Variants in ABCC2 observed in about 807,000 individuals in gnomAD.
ABCC2 encodes ATP binding cassette subfamily C member 2, also known as ATP-binding cassette sub-family C member 2.
ABCC2 carries 157 observed loss-of-function variants against 173.4 expected under a neutral mutation model. The ratio of observed to expected loss-of-function variants is 0.91; its 90% CI spans 0.80 to 1.03. The LOEUF is 1.03. ABCC2 is among the 50% of genes least tolerant of loss of function. The pLI is 0.00. For missense variants in ABCC2, 1,822 were observed against 1,852.3 expected, an observed-to-expected ratio of 0.98 and a Z score of 0.30; for synonymous variants, 657 against 693.5, an observed-to-expected ratio of 0.95 and a Z score of 0.83.
intron 15 of ABCC2, among the ~76,000 whole-genome samples, chr10:99,812,464 G>T (rs1366704730): frequency 2.0e-5 from 3 of 152,186 alleles, no homozygotes; most frequent in Admixed American, 6.5e-5. Flanking sequence ...CCCATTGTGG[G>T]CCCCTACTCA....
intron 10 of ABCC2, 27 bp from the exon 11 acceptor site, chr10:99,805,355 G>C (rs368596686): frequency 3.6e-5 from 57 of 1,603,720 alleles, no homozygotes; most frequent in Non-Finnish European, 4.7e-5. Flanking sequence ...AGCGTATATT[G>C]TTTTTCTTTT....
rs34683029 is a variant in ABCC2 at position 99,811,894 on chromosome 10, G to A, written c.1967+292G>A. On this transcript the variant is annotated intron_variant, in intron 15 of 31. Transcript: ENST00000647814. ...AGATTGTGGATGGAGGTAGTGCAGCGTTGGCAGGTGGCCGGCGTCTCTGGG... is the reference window on the plus strand; with the variant it reads ...AGATTGTGGATGGAGGTAGTGCAGCATTGGCAGGTGGCCGGCGTCTCTGGG... 2.3e-4 allele frequency among the ~76,000 whole-genome samples: 35 copies of A among 152,304 alleles called. No homozygotes were observed. The South Asian group carries it at 6.6e-3, about 29-fold the overall frequency.
chr10:99,834,537 T>C lies in ABCC2; in HGVS notation c.3414+2T>C. 1 of 1,614,114 alleles carries C rather than the reference T, an allele frequency of 6.2e-7. No homozygotes were observed. Among genetic ancestry groups the C allele is most frequent in the Non-Finnish European group, 8.5e-7 (1 of 1,179,976 alleles). On this transcript the variant is annotated splice_donor_variant, in intron 24 of 31. Coordinates refer to ENST00000647814, the MANE Select transcript of ABCC2 (RefSeq NM_000392.5). LOFTEE classifies it high-confidence loss of function. Reference sequence around the variant, plus strand: ...GGCATTATTTATGTATCTGTTCAGGTAGGTTTGGAAATGGCTAAGTCATCC... The same window carrying C: ...GGCATTATTTATGTATCTGTTCAGGCAGGTTTGGAAATGGCTAAGTCATCC...
rs1590154241 is a variant in ABCC2 at position 99,804,416 on chromosome 10, C to T, written c.1464+143C>T. 2.7e-6 allele frequency: 3 copies of T among 1,100,938 alleles called. No homozygotes were observed. The East Asian group carries it at 7.6e-5, about 28-fold the overall frequency. The allele number at this position is 1,100,938 out of a possible 1,614,324, so 68.2% of individuals were successfully genotyped here. A position where few individuals can be genotyped will look rare whatever the true frequency, so the allele number is the denominator to read the frequency against. Reference sequence around the variant, plus strand: ...TACCATCTCAATTGTACTTAGCTGTCTCTGAGTTCCCTTTTCATCTTCTGA... The same window carrying T: ...TACCATCTCAATTGTACTTAGCTGTTTCTGAGTTCCCTTTTCATCTTCTGA... On this transcript the variant is annotated intron_variant, in intron 10 of 31. Coordinates refer to ENST00000647814, the MANE Select transcript of ABCC2 (RefSeq NM_000392.5).
At position 99,799,235 on chromosome 10, in the gene ABCC2, CT is replaced by C; in HGVS notation, c.897del (p.Thr301ProfsTer10). 7 of 1,614,090 alleles carry C rather than the reference CT, an allele frequency of 4.3e-6. No individual in the cohort carries two copies. Among genetic ancestry groups the C allele is most frequent in the Non-Finnish European group, 5.9e-6 (7 of 1,180,014 alleles). ...LEDVEKKKKK[S>X]GTKKDVPKSW... The stretch of plus-strand genomic sequence containing the variant: ...GATGTTGAAAAGAAAAAAAAGAAGT[CT>C]GGGACCAAAAAAGATGTTCCAAAAT... On this transcript the variant is annotated frameshift_variant, in exon 8 of 32. Coordinates refer to ENST00000647814, the MANE Select transcript of ABCC2 (RefSeq NM_000392.5). LOFTEE classifies it high-confidence loss of function.
chr10:99,814,598 C>CACGTGTGTATAT (rs2038344283), intron 16 of ABCC2, among the ~76,000 whole-genome samples: 1 of 108,300 alleles, frequency 9.2e-6, no homozygotes, highest in Non-Finnish European at 2.0e-5. Flanking sequence ...CACATATACA[C>CACGTGTGTATAT]ACACATATGT....
intron 9 of ABCC2, 112 bp from the exon 10 acceptor site, chr10:99,803,907 T>C: frequency 7.3e-7 from 1 of 1,377,232 alleles, no homozygotes; most frequent in South Asian, 1.2e-5. Context: ...GGAGAAGCTG[T>C]GTCCATATGG....
intron 19 of ABCC2, among the ~76,000 whole-genome samples, chr10:99,825,995 C>T (rs11498760): frequency 5.3e-5 from 8 of 152,174 alleles, no homozygotes; most frequent in South Asian, 2.1e-4. Context: ...GGTCGTTTCC[C>T]GACAATGGTT....
chr10:99,841,083 C>G (rs1450349729), intron 25 of ABCC2, among the ~76,000 whole-genome samples: 1 of 152,188 alleles, frequency 6.6e-6, no homozygotes, highest in African/African-American at 2.4e-5. Context: ...CTGTGGCCAA[C>G]TTGCACCTAA....
At chr10:99,832,220 C>G in intron 23 of ABCC2, 89 bp downstream of exon 23, 1 of 1,512,854 alleles carries the variant, frequency 6.6e-7, no homozygotes, top group Non-Finnish European at 9.1e-7. Flanking sequence ...CTAGACAACA[C>G]TGTTCAGTTC....
At chr10:99,839,241 C>T (rs1590188571) in intron 25 of ABCC2, among the ~76,000 whole-genome samples, 16 of 98,182 alleles carry the variant, frequency 1.6e-4, no homozygotes, top group South Asian at 6.2e-4. Flanking sequence ...GGGGGGCCGA[C>T]CCCCCCACCT....
intron 6 of ABCC2, among the ~76,000 whole-genome samples, chr10:99,794,841 G>A (rs907480193): frequency 3.9e-5 from 6 of 152,086 alleles, no homozygotes; most frequent in African/African-American, 1.2e-4. Flanking sequence ...GCGCTCAGCC[G>A]AAAGATTAAT....
chr10:99,817,273 G>A (rs770084867), intron 16 of ABCC2, 35 bp from the exon 17 acceptor site: 22 of 1,611,372 alleles, frequency 1.4e-5, no homozygotes, highest in Non-Finnish European at 1.8e-5. Context: ...TTCTGGAGGT[G>A]CAGCTGTAAC....
intron 15 of ABCC2, among the ~76,000 whole-genome samples, 175 bp from the exon 16 acceptor site, chr10:99,812,837 GAAAAGA>G (rs977009453): frequency 4.6e-5 from 7 of 152,152 alleles, no homozygotes; most frequent in African/African-American, 9.6e-5. Context: ...TTAGAGCTAA[GAAAAGA>G]AAAAGAAAAA....
intron 30 of ABCC2, among the ~76,000 whole-genome samples, chr10:99,850,133 T>C (rs1025503358): frequency 1.1e-4 from 16 of 152,220 alleles, no homozygotes; most frequent in Admixed American, 7.9e-4. Context: ...GAAATGCCAC[T>C]GGGGCATTCT....
intron 23 of ABCC2, among the ~76,000 whole-genome samples, chr10:99,833,081 T>C (rs932786255): frequency 3.3e-5 from 5 of 152,196 alleles, no homozygotes; most frequent in Non-Finnish European, 5.9e-5. Context: ...GGGGCAGACA[T>C]AGAAAGTATA....
rs1590186123 is a variant in ABCC2 at position 99,836,381 on chromosome 10, T to C, written c.3614+91T>C. 11 of 1,314,646 alleles carry C rather than the reference T, an allele frequency of 8.4e-6. No individual in the cohort carries two copies. The South Asian group carries it at 1.3e-4, about 16-fold the overall frequency. The allele number at this position is 1,314,646 out of a possible 1,614,324, so 81.4% of individuals were successfully genotyped here. ...GTGGGAGGGCAGGCATGGCTAGTGGTGTGAAATTCACTCTGGCCACACACA... is the reference window on the plus strand; with the variant it reads ...GTGGGAGGGCAGGCATGGCTAGTGGCGTGAAATTCACTCTGGCCACACACA... On this transcript the variant is annotated intron_variant, in intron 25 of 31. Transcript: ENST00000647814.
chr10:99,799,214 T>C lies in ABCC2; in HGVS notation c.875T>C (p.Val292Ala), dbSNP rs978166050. ...QSQDALVLEDVEKKKKKSGTK... is the reference protein window; with the variant it reads ...QSQDALVLEDAEKKKKKSGTK... ...GTTTGGTTTTGTACCTAGGAAGATG[T>C]TGAAAAGAAAAAAAAGAAGTCTGGG... Residue 292 changes from valine (V) to alanine (A), a missense_variant, in exon 8 of 32, where the codon GTT becomes GCT. Val to Ala is a moderately conservative substitution (Grantham distance 64). Coordinates refer to ENST00000647814, the MANE Select transcript of ABCC2 (RefSeq NM_000392.5). The C allele has an allele frequency of 1.2e-6, 2 of 1,613,844 alleles. No individual in the cohort carries two copies. The highest frequency in any genetic ancestry group is 2.7e-5 in the African/African-American group (2 of 74,868).
chr10:99,792,401 C>T, intron 3 of ABCC2, 42 bp downstream of exon 3: 1 of 1,608,630 alleles, frequency 6.2e-7, no homozygotes, highest in Non-Finnish European at 8.5e-7. Flanking sequence ...CTTTTCATTA[C>T]CCATAGGCAT....
Sources: gnomAD v4.1 joint callset for allele counts (sites outside exome capture counted in the v4.1 genomes callset) on GRCh38, gnomAD v4.1.1 for gene constraint, MANE v1.5 for transcripts, NCBI Gene and HGNC (gene_info 2026-07-23, HGNC 2026-07-21) for gene names.